The following FGD4 variants were observed in gnomAD, a reference collection of about 807,000 sequenced individuals.
FGD4 encodes the protein FYVE, RhoGEF and PH domain containing 4.
Under a neutral mutation model 102.0 loss-of-function variants are expected in FGD4, and 42 were observed. The observed-to-expected ratio is 0.41, with a 90% CI of 0.32 to 0.53. The LOEUF (loss-of-function observed/expected upper bound fraction) is 0.53, where lower values mean the gene tolerates loss of function less well. Ranked by LOEUF, FGD4 falls within the 20% of genes least tolerant of loss-of-function variation. The pLI is 0.21. For synonymous variants in FGD4, 380 were observed against 375.7 expected (o/e 1.01, Z -0.13); for missense variants, 902 against 1,078.2 (o/e 0.84, Z 2.29).
At chr12:32,468,691 A>G (rs536597891) in intron 1 of FGD4, among the ~76,000 whole-genome samples, 1 of 152,296 alleles carries the variant, frequency 6.6e-6, no homozygotes, top group African/African-American at 2.4e-5. Flanking sequence ...GCAGTGAGCT[A>G]TGATCGCCCA....
At chr12:32,442,166 G>A (rs1320973102) in intron 1 of FGD4, among the ~76,000 whole-genome samples, 1 of 150,898 alleles carries the variant, frequency 6.6e-6, no homozygotes, top group Non-Finnish European at 1.5e-5. Context: ...TGATTCTCCT[G>A]CCTCAGCCTC....
chr12:32,506,788 G>T lies in FGD4; in HGVS notation c.167-57349G>T, dbSNP rs1019260538. 1.3e-4 allele frequency among the ~76,000 whole-genome samples: 20 copies of T among 152,282 alleles called. No individual in the cohort carries two copies. The highest frequency in any genetic ancestry group is 4.1e-4 in the South Asian group (2 of 4,828). ...TGAGCACAATGGGCAAGATGTTAGTGAAATTTACCTAGTAGTGGGAAGAGA... is the reference window on the plus strand; with the variant it reads ...TGAGCACAATGGGCAAGATGTTAGTTAAATTTACCTAGTAGTGGGAAGAGA... On this transcript the variant is annotated intron_variant, in intron 1 of 16. Transcript: ENST00000534526. This position sits in a 1 kb window ranked among gnomAD's most constrained non-coding sequence, Gnocchi z 4.5.
intron 1 of FGD4, among the ~76,000 whole-genome samples, chr12:32,552,705 T>G (rs1380922362): frequency 6.6e-6 from 1 of 151,958 alleles, no homozygotes; most frequent in Non-Finnish European, 1.5e-5. Context: ...AAGTTCAGTC[T>G]CTACCTAAGA....
chr12:32,609,525 T>C (rs779480121), intron 8 of FGD4, among the ~76,000 whole-genome samples: 43 of 152,208 alleles, frequency 2.8e-4, no homozygotes, highest in Admixed American at 5.9e-4. Context: ...AGAATAGTTC[T>C]TTAAAATGTA....
intron 4 of FGD4, among the ~76,000 whole-genome samples, chr12:32,583,793 G>C (rs757019592): frequency 6.6e-6 from 1 of 152,216 alleles, no homozygotes; most frequent in Non-Finnish European, 1.5e-5. Flanking sequence ...AAAGAAACAG[G>C]ACATTGCAAA....
At chr12:32,576,197 G>T (rs1946114594) in intron 2 of FGD4, 69 bp from the exon 3 acceptor site, 1 of 1,485,336 alleles carries the variant, frequency 6.7e-7, no homozygotes, top group African/African-American at 1.4e-5. Flanking sequence ...TTGCACCCAG[G>T]ACACCAGAAT....
intron 14 of FGD4, among the ~76,000 whole-genome samples, chr12:32,630,812 CA>C (rs530800673): frequency 0.018 from 2,284 of 125,322 alleles, 17 homozygotes; most frequent in Middle Eastern, 0.05. Context: ...GAGACTATGT[CA>C]AAAAAAAAAA....
chr12:32,594,510 G>C lies in FGD4; in HGVS notation c.1012-3987G>C, dbSNP rs183583312. Among the ~76,000 whole-genome samples the C allele has an allele frequency of 3.1e-3, 471 of 152,114 alleles. 4 individuals carry two copies. The highest frequency in any genetic ancestry group is 5.6e-3 in the Admixed American group (86 of 15,268). ...ACAATGTAATAATAATAGAAATAAAGTACACAATAAATGTAATGTGCTTAA... is the reference window on the plus strand; with the variant it reads ...ACAATGTAATAATAATAGAAATAAACTACACAATAAATGTAATGTGCTTAA... On this transcript the variant is annotated intron_variant, in intron 4 of 16. Coordinates refer to ENST00000534526, the MANE Select transcript of FGD4 (RefSeq NM_001370298.3).
intron 2 of FGD4, 41 bp downstream of exon 2, chr12:32,564,330 T>A: frequency 6.5e-7 from 1 of 1,527,966 alleles, no homozygotes; most frequent in Non-Finnish European, 8.7e-7. Context: ...GGGTACGTTG[T>A]TGATCAATGA....
intron 1 of FGD4, among the ~76,000 whole-genome samples, chr12:32,419,798 G>A (rs532440937): frequency 2.0e-4 from 31 of 152,206 alleles, no homozygotes; most frequent in South Asian, 2.1e-4. Context: ...TGCTCCTTCC[G>A]TGGTTAGATG....
chr12:32,401,053 A>G (rs1940641699), intron 1 of FGD4, among the ~76,000 whole-genome samples: 2 of 152,246 alleles, frequency 1.3e-5, no homozygotes, highest in South Asian at 4.1e-4. Context: ...CTTGTCTTCA[A>G]AATGAGGACA....
intron 7 of FGD4, among the ~76,000 whole-genome samples, chr12:32,603,057 GTAGACACT>G (rs1948528803): frequency 6.6e-6 from 1 of 152,118 alleles, no homozygotes; most frequent in Admixed American, 6.5e-5. Context: ...CTTGTAAAAT[GTAGACACT>G]TTGTTCCAAT....
intron 15 of FGD4, among the ~76,000 whole-genome samples, chr12:32,637,363 AAGGC>A: frequency 6.6e-6 from 1 of 151,816 alleles, no homozygotes; most frequent in East Asian, 2.0e-4. Flanking sequence ...TTGGGAGGCC[AAGGC>A]AGGCAGATCA....
At chr12:32,407,622 C>G (rs555087960) in intron 1 of FGD4, among the ~76,000 whole-genome samples, 2 of 152,206 alleles carry the variant, frequency 1.3e-5, no homozygotes, top group Non-Finnish European at 2.9e-5. Context: ...TTCTGGCATA[C>G]TTTTTGCTCA....
chr12:32,617,339 C>A (rs764239722), intron 10 of FGD4, among the ~76,000 whole-genome samples: 7 of 152,054 alleles, frequency 4.6e-5, no homozygotes, highest in Non-Finnish European at 8.8e-5. Flanking sequence ...ATAATTTTTC[C>A]CTTATTTAAT....
intron 14 of FGD4, among the ~76,000 whole-genome samples, chr12:32,626,720 T>A (rs1235662680): frequency 6.6e-6 from 1 of 152,146 alleles, no homozygotes; most frequent in East Asian, 1.9e-4. Flanking sequence ...GAGGAAAGCT[T>A]CCTCCATTAT....
At chr12:32,488,807 C>CGG (rs1565772209) in intron 1 of FGD4, among the ~76,000 whole-genome samples, 3 of 152,130 alleles carry the variant, frequency 2.0e-5, no homozygotes, top group Admixed American at 2.0e-4. Flanking sequence ...GGCGTGGTGG[C>CGG]GCATGCCTGT....
chr12:32,632,535 G>A (rs762915957), intron 14 of FGD4, among the ~76,000 whole-genome samples: 1 of 152,276 alleles, frequency 6.6e-6, no homozygotes. Context: ...TAAGAAGCCA[G>A]TGTCACTGAA....
intron 1 of FGD4, among the ~76,000 whole-genome samples, chr12:32,527,599 T>G (rs1941387000): frequency 6.6e-6 from 1 of 152,190 alleles, no homozygotes; most frequent in Non-Finnish European, 1.5e-5. Flanking sequence ...CCAGCTAATT[T>G]TTGTATTTTT....
Sources: allele counts gnomAD v4.1 joint callset (sites outside exome capture counted in the v4.1 genomes callset), GRCh38; gene constraint gnomAD v4.1.1; non-coding constraint Gnocchi (gnomAD v3.1); transcripts MANE v1.5; gene names NCBI Gene and HGNC (gene_info 2026-07-23, HGNC 2026-07-21).